Variants in SEC31A observed in about 807,000 individuals in gnomAD.
SEC31A encodes protein transport protein Sec31A.
Under a neutral mutation model 151.0 loss-of-function variants are expected in SEC31A, and 70 were observed. That is an observed-to-expected ratio of 0.46 (90% CI 0.38 to 0.57). The LOEUF (loss-of-function observed/expected upper bound fraction) is 0.57, where lower values mean the gene tolerates loss of function less well. Ranked by LOEUF, SEC31A falls within the 20% of genes least tolerant of loss-of-function variation. SEC31A has a pLI of 0.00. For synonymous variants in SEC31A, 475 were observed against 505.9 expected (o/e 0.94, Z 0.82); for missense variants, 1,330 against 1,471.2 (o/e 0.90, Z 1.57).
chr4:82,891,260 T>A, upstream of SEC31A: 8 of 1,313,872 alleles, frequency 6.1e-6, no homozygotes, highest in South Asian at 1.1e-4. Context: ...AGCGACATCT[T>A]TCCCCGCCCA....
At chr4:82,890,135 G>C (rs1443206913) in intron 1 of SEC31A, among the ~76,000 whole-genome samples, 1 of 149,620 alleles carries the variant, frequency 6.7e-6, no homozygotes, top group Non-Finnish European at 1.5e-5. Context: ...GGCTGAGACG[G>C]AGGTTGCAGT....
chr4:82,862,625 C>T, intron 12 of SEC31A, 53 bp from the exon 13 acceptor site: 1 of 1,492,998 alleles, frequency 6.7e-7, no homozygotes, highest in Non-Finnish European at 9.3e-7. Context: ...TTCAGAGCAT[C>T]CAGCAAATGT....
intron 12 of SEC31A, 137 bp downstream of exon 12, chr4:82,863,181 A>G: frequency 1.7e-6 from 1 of 589,396 alleles, no homozygotes; most frequent in Non-Finnish European, 2.9e-6. Context: ...AAAAAGAAAA[A>G]GGGAAAAAAC....
intron 1 of SEC31A, among the ~76,000 whole-genome samples, chr4:82,888,029 G>C (rs1353234618): frequency 2.7e-5 from 4 of 146,190 alleles, no homozygotes; most frequent in African/African-American, 7.7e-5. Flanking sequence ...CTGGGTGACA[G>C]AGCAAGACTC....
rs149838708 is a variant in SEC31A, at chr4:82,882,735, TTAAAGA to T, written c.-4-801_-4-796del. On this transcript the variant is annotated intron_variant, in intron 1 of 26. Transcript: ENST00000395310. Reference sequence around the variant, plus strand: ...AGAGAATATAGTAAGCCCACAGATTTTAAAGATAAAGTAGAAATTATTAGAAAACTG... The same window carrying T: ...AGAGAATATAGTAAGCCCACAGATTTTAAAGTAGAAATTATTAGAAAACTG... Among the ~76,000 whole-genome samples, 180 of 152,302 alleles carry T rather than the reference TTAAAGA, an allele frequency of 1.2e-3. 1 individual carries two copies. Among genetic ancestry groups the T allele is most frequent in the African/African-American group, 4.2e-3 (176 of 41,568 alleles).
At chr4:82,885,568 T>C (rs1206316856) in intron 1 of SEC31A, among the ~76,000 whole-genome samples, 1 of 152,200 alleles carries the variant, frequency 6.6e-6, no homozygotes, top group Non-Finnish European at 1.5e-5. Context: ...ACAACATGGT[T>C]ATAGTCAATA....
intron 6 of SEC31A, among the ~76,000 whole-genome samples, chr4:82,874,208 G>A (rs1202519002): frequency 6.6e-6 from 1 of 151,890 alleles, no homozygotes; most frequent in Non-Finnish European, 1.5e-5. Context: ...TGGGGCAGGA[G>A]AAGTGCTTGA....
At chr4:82,844,341 A>G in intron 21 of SEC31A, 45 bp downstream of exon 21, 1 of 1,588,976 alleles carries the variant, frequency 6.3e-7, no homozygotes. Flanking sequence ...ACTAAATTAG[A>G]TCATAAATAC....
intron 2 of SEC31A, 84 bp downstream of exon 2, chr4:82,881,774 G>A (rs1739408484): frequency 3.9e-6 from 4 of 1,029,256 alleles, no homozygotes; most frequent in African/African-American, 1.6e-5. Flanking sequence ...GCTTTCTAGA[G>A]AAGATAAAGC....
chr4:82,863,574 C>A (rs1029368751), intron 11 of SEC31A, among the ~76,000 whole-genome samples, 182 bp from the exon 12 acceptor site: 3 of 151,872 alleles, frequency 2.0e-5, no homozygotes, highest in African/African-American at 7.3e-5. Context: ...GGAGACCCAG[C>A]CTCAGGAGGT....
intron 4 of SEC31A, among the ~76,000 whole-genome samples, chr4:82,878,519 A>C (rs952237776): frequency 1.3e-5 from 2 of 152,080 alleles, no homozygotes; most frequent in Non-Finnish European, 1.5e-5. Context: ...AAACAAAAAC[A>C]AAAACCTATC....
At chr4:82,890,240 T>G (rs1267100824) in intron 1 of SEC31A, among the ~76,000 whole-genome samples, 2 of 148,930 alleles carry the variant, frequency 1.3e-5, no homozygotes. Context: ...AGTAAGCTTT[T>G]GCCAACTCTT....
In SEC31A at chr4:82,881,924, C is replaced by T. The variant is rs954281200; in HGVS notation, c.13G>A (p.Glu5Lys). The T allele has an allele frequency of 1.2e-6, 2 of 1,613,964 alleles. No individual in the cohort carries two copies. The highest frequency in any genetic ancestry group is 1.7e-6 in the Non-Finnish European group (2 of 1,179,842). ...GCCTGCATGGCTGTACGATCTACTT[C>T]CTTTAACTTCATCCTGCTAAAGGGA... Reference protein sequence around the residue: MKLKEVDRTAMQAWS... With the variant: MKLKKVDRTAMQAWS... Residue 5 changes from glutamate to lysine, a missense_variant, in exon 2 of 27, where the codon GAA (glutamate) becomes AAA (lysine). Transcript: ENST00000395310.
chr4:82,848,989 T>A lies in SEC31A; in HGVS notation c.2329-12A>T. ...TGCATGATATTTGGCTAAAAAGGAT[T>A]GGAAAAACAGCAGACTGTTGAGAGT... On this transcript the variant is annotated splice_polypyrimidine_tract_variant and intron_variant, in intron 19 of 26. Transcript: ENST00000395310. 9.3e-6 allele frequency: 15 copies of A among 1,610,346 alleles called. No individual in the cohort carries two copies. The highest frequency in any genetic ancestry group is 1.3e-5 in the Non-Finnish European group (15 of 1,178,434).
At chr4:82,884,318 T>C (rs541366932) in intron 1 of SEC31A, among the ~76,000 whole-genome samples, 38 of 152,258 alleles carry the variant, frequency 2.5e-4, no homozygotes, top group Non-Finnish European at 3.5e-4. Context: ...ATTAAGTTGA[T>C]AGACTATCTT....
In SEC31A at chr4:82,827,642, G is replaced by C. The variant is rs776714586; in HGVS notation, c.3028-10C>G. 7.4e-6 allele frequency: 12 copies of C among 1,611,404 alleles called. No homozygotes were observed. In the South Asian group the frequency reaches 1.2e-4, roughly 16 times the overall value. Reference sequence around the variant, plus strand: ...TGAAGTTTTCAGGCATCTGTTAAAAGATGGAAATAAAAGACACCAGGAGTA... The same window carrying C: ...TGAAGTTTTCAGGCATCTGTTAAAACATGGAAATAAAAGACACCAGGAGTA... On this transcript the variant is annotated splice_polypyrimidine_tract_variant and intron_variant, in intron 23 of 26. Coordinates refer to ENST00000395310, the MANE Select transcript of SEC31A (RefSeq NM_001077207.4).
intron 11 of SEC31A, 23 bp downstream of exon 11, chr4:82,864,339 A>G: frequency 1.3e-6 from 2 of 1,486,854 alleles, no homozygotes; most frequent in Non-Finnish European, 1.9e-6. Context: ...ATGAAATAAT[A>G]TAGCTTTAAA....
chr4:82,888,384 A>ATATGCGTATATATACG (rs1560676344), intron 1 of SEC31A, among the ~76,000 whole-genome samples: 3 of 2,866 alleles, frequency 1.0e-3, no homozygotes, highest in Non-Finnish European at 3.0e-3. Context: ...CACACAAAAA[A>ATATGCGTATATATACG]CATATATATA....
At chr4:82,880,956 CA>C in intron 2 of SEC31A, 34 bp from the exon 3 acceptor site, 1 of 1,547,158 alleles carries the variant, frequency 6.5e-7, no homozygotes, top group South Asian at 1.2e-5. Flanking sequence ...ACTATACACA[CA>C]AAAATAAAAG....
Sources: gnomAD v4.1 joint callset for allele counts (sites outside exome capture counted in the v4.1 genomes callset) on GRCh38, gnomAD v4.1.1 for gene constraint, MANE v1.5 for transcripts, NCBI Gene and HGNC (gene_info 2026-07-23, HGNC 2026-07-21) for gene names.